SCN8A: variants seen among roughly 807,000 people sequenced by gnomAD.
SCN8A encodes sodium voltage-gated channel alpha subunit 8.
SCN8A carries 30 observed loss-of-function variants against 184.1 expected under a neutral mutation model. The ratio of observed to expected loss-of-function variants is 0.16; its 90% CI spans 0.12 to 0.22. The LOEUF is 0.22. Among genes scored for constraint, SCN8A ranks in the 10% least tolerant of loss-of-function variants. The pLI is 1.00. For missense variants in SCN8A, 1,057 were observed against 2,498.9 expected, an observed-to-expected ratio of 0.42 and a Z score of 12.30; for synonymous variants, 852 against 907.0, an observed-to-expected ratio of 0.94 and a Z score of 1.09.
intron 1 of SCN8A, among the ~76,000 whole-genome samples, chr12:51,593,370 A>G (rs1249978001): frequency 1.3e-5 from 2 of 152,216 alleles, no homozygotes; most frequent in Non-Finnish European, 2.9e-5. Flanking sequence ...ATAATGGTGC[A>G]GATCAGTTAT....
chr12:51,597,420 T>G (rs1238114851), intron 1 of SCN8A, among the ~76,000 whole-genome samples: 1 of 152,150 alleles, frequency 6.6e-6, no homozygotes, highest in Admixed American at 6.5e-5. Flanking sequence ...GGAGTAAGAA[T>G]GCTAGAGAAA....
At chr12:51,704,955 A>G (rs1405551120) in intron 9 of SCN8A, among the ~76,000 whole-genome samples, 1 of 152,164 alleles carries the variant, frequency 6.6e-6, no homozygotes, top group Non-Finnish European at 1.5e-5. Flanking sequence ...AGCCTAGGTG[A>G]TAGTGTGACA....
intron 2 of SCN8A, among the ~76,000 whole-genome samples, chr12:51,680,439 C>T (rs1941310731): frequency 6.6e-6 from 1 of 152,180 alleles, no homozygotes; most frequent in Non-Finnish European, 1.5e-5. Flanking sequence ...AGAATCCTAC[C>T]TCCTAGTTTT....
At chr12:51,701,508 T>C (rs1416395094) in intron 8 of SCN8A, among the ~76,000 whole-genome samples, 1 of 152,092 alleles carries the variant, frequency 6.6e-6, no homozygotes, top group Non-Finnish European at 1.5e-5. Context: ...TATAGTACAA[T>C]AGAGAGCAAA....
At chr12:51,666,509 G>T (rs1248667364) in intron 2 of SCN8A, among the ~76,000 whole-genome samples, 1 of 152,182 alleles carries the variant, frequency 6.6e-6, no homozygotes, top group African/African-American at 2.4e-5. Context: ...AGTCATAAGG[G>T]TAGAAATGAC....
Position 51,689,132 on chromosome 12 carries a change from ATC to A in SCN8A, c.706+39_706+40del, listed in dbSNP as rs373798897. The A allele has an allele frequency of 4.8e-5, 70 of 1,452,448 alleles. No individual in the cohort carries two copies. The African/African-American group carries it at 7.8e-4, about 16-fold the overall frequency. The allele number at this position is 1,452,448 out of a possible 1,614,324, so 90.0% of individuals were successfully genotyped here. A position where few individuals can be genotyped will look rare whatever the true frequency, so the allele number is the denominator to read the frequency against. ...TTGTACATAAGACTGACTTTGCCAC[ATC>A]TCCTCTTTCTCCTCCATTCGTTTTG... is the stretch of plus-strand genomic sequence containing the variant. On this transcript the variant is annotated intron_variant, in intron 6 of 26. Coordinates refer to ENST00000627620, the MANE Select transcript of SCN8A (RefSeq NM_001330260.2).
intron 12 of SCN8A, among the ~76,000 whole-genome samples, chr12:51,733,530 C>CT (rs1320920054): frequency 1.3e-5 from 2 of 151,962 alleles, no homozygotes; most frequent in African/African-American, 4.8e-5. Flanking sequence ...CTGTTGTTTT[C>CT]TTTTTTTGAT....
intron 11 of SCN8A, chr12:51,712,361 C>G: frequency 1.6e-6 from 1 of 640,616 alleles, no homozygotes; most frequent in East Asian, 2.7e-5. Context: ...TTTACAGTTC[C>G]TCTAATGCAT....
In SCN8A at chr12:51,686,573, A is replaced by G. The variant is rs1237724042; in HGVS notation, c.485+116A>G. 1.2e-5 allele frequency: 8 copies of G among 682,460 alleles called. No homozygotes were observed. In the Admixed American group the frequency reaches 2.1e-4, roughly 18 times the overall value. 42.3% of individuals were successfully genotyped at this position (682,460 alleles called of 1,614,324 possible). A position where few individuals can be genotyped will look rare whatever the true frequency, so the allele number is the denominator to read the frequency against. On this transcript the variant is annotated intron_variant, in intron 4 of 26. Transcript: ENST00000627620. ...AAAAAATTAGTTATTGCCTCTCTTTATTTCACAGAGAAGGCTGAAAGTACA... is the reference window on the plus strand; with the variant it reads ...AAAAAATTAGTTATTGCCTCTCTTTGTTTCACAGAGAAGGCTGAAAGTACA...
At position 51,780,561 on chromosome 12, in the gene SCN8A, CTTTCTTTTTTTTTTTTTTTT is replaced by C. The variant is rs1937871046; in HGVS notation, c.3820-84_3820-65del. 4 of 457,870 alleles carry C rather than the reference CTTTCTTTTTTTTTTTTTTTT, an allele frequency of 8.7e-6. No individual in the cohort carries two copies. The African/African-American group carries it at 3.3e-4, about 37-fold the overall frequency. The allele number at this position is 457,870 out of a possible 1,614,324, so 28.4% of individuals were successfully genotyped here. A position where few individuals can be genotyped will look rare whatever the true frequency, so the allele number is the denominator to read the frequency against. Reference sequence around the variant, plus strand: ...TCTAACACTCTGGAACCTCTGTTTTCTTTCTTTTTTTTTTTTTTTTTTTTTTTTTTTTTTTTTTTTTTTGG... The same window carrying C: ...TCTAACACTCTGGAACCTCTGTTTTCTTTTTTTTTTTTTTTTTTTTTTTGG... On this transcript the variant is annotated intron_variant, in intron 20 of 26. Coordinates refer to ENST00000627620, the MANE Select transcript of SCN8A (RefSeq NM_001330260.2).
At chr12:51,771,756 CACACA>C (rs1942928434) in intron 19 of SCN8A, among the ~76,000 whole-genome samples, 1 of 152,232 alleles carries the variant, frequency 6.6e-6, no homozygotes, top group South Asian at 2.1e-4. Context: ...AACGAGCATT[CACACA>C]ACACTTCCTG....
At chr12:51,595,811 C>A (rs191151346) in intron 1 of SCN8A, among the ~76,000 whole-genome samples, 1 of 152,250 alleles carries the variant, frequency 6.6e-6, no homozygotes, top group African/African-American at 2.4e-5. Flanking sequence ...TTTCAGTAGT[C>A]TGAAAAGCAG....
chr12:51,778,502 T>G (rs1399274720), intron 20 of SCN8A, among the ~76,000 whole-genome samples: 2 of 152,124 alleles, frequency 1.3e-5, no homozygotes, highest in Non-Finnish European at 2.9e-5. Flanking sequence ...TTGGCCAGGC[T>G]GGTCTCGAAC....
In SCN8A at chr12:51,789,430, C is replaced by A. The variant is rs759528258; in HGVS notation, c.4419+12C>A. 6.2e-7 allele frequency: 1 copy of A among 1,613,382 alleles called. No homozygotes were observed. Among genetic ancestry groups the A allele is most frequent in the South Asian group, 1.1e-5 (1 of 90,968 alleles). On this transcript the variant is annotated intron_variant, in intron 24 of 26. Transcript: ENST00000627620. ...AACAAAAGAAAAAGATAGGTCTCCT[C>A]CCCTCATTGCCAGTGGTTGGAAGTC...
At chr12:51,625,265 A>G (rs1290922595) in intron 1 of SCN8A, among the ~76,000 whole-genome samples, 1 of 152,200 alleles carries the variant, frequency 6.6e-6, no homozygotes, top group Non-Finnish European at 1.5e-5. Flanking sequence ...CCAAAATGTC[A>G]CGTGAGTGGA....
chr12:51,618,363 T>G (rs1486616451), intron 1 of SCN8A, among the ~76,000 whole-genome samples: 1 of 151,924 alleles, frequency 6.6e-6, no homozygotes, highest in Non-Finnish European at 1.5e-5. Context: ...GGACCAGAAA[T>G]GGAGGTCTTC....
intron 25 of SCN8A, 137 bp from the exon 26 acceptor site, chr12:51,794,234 C>G: frequency 1.3e-6 from 1 of 760,632 alleles, no homozygotes; most frequent in Non-Finnish European, 2.1e-6. Context: ...ATCCATGCTC[C>G]TGATAGAGCA....
chr12:51,732,354 G>A (rs180728180), intron 12 of SCN8A, among the ~76,000 whole-genome samples: 68 of 152,102 alleles, frequency 4.5e-4, no homozygotes, highest in Non-Finnish European at 7.8e-4. Context: ...TATTCTTGGC[G>A]CTTTTGCTGA....
At chr12:51,771,929 A>G (rs73299729) in intron 19 of SCN8A, among the ~76,000 whole-genome samples, 29,832 of 152,188 alleles carry the variant, frequency 0.2, 3,609 homozygotes, top group East Asian at 0.41. Context: ...ATGACCCATC[A>G]TTTGGCTCTT....
Sources: gnomAD v4.1 joint callset for allele counts (sites outside exome capture counted in the v4.1 genomes callset) on GRCh38, gnomAD v4.1.1 for gene constraint, MANE v1.5 for transcripts, NCBI Gene and HGNC (gene_info 2026-07-23, HGNC 2026-07-21) for gene names.